The following ABCG1 variants were observed in gnomAD, a reference collection of about 807,000 sequenced individuals.
The protein encoded by ABCG1 is ATP-binding cassette sub-family G member 1.
ABCG1 carries 29 observed loss-of-function variants against 69.2 expected under a neutral mutation model. The ratio of observed to expected loss-of-function variants is 0.42; its 90% CI spans 0.31 to 0.57. ABCG1 has a LOEUF of 0.57. Among genes scored for constraint, ABCG1 ranks in the 20% least tolerant of loss-of-function variants. The pLI is 0.15. For synonymous variants in ABCG1, 370 were observed against 374.8 expected, an observed-to-expected ratio of 0.99 and a Z score of 0.15; for missense variants, 718 against 898.1, an observed-to-expected ratio of 0.80 and a Z score of 2.56.
chr21:42,287,378 G>T lies in ABCG1; in HGVS notation c.974-511G>T, dbSNP rs1274947375. Among the ~76,000 whole-genome samples, 2 of 152,174 alleles carry T rather than the reference G, an allele frequency of 1.3e-5. No homozygotes were observed. The highest frequency in any genetic ancestry group is 4.8e-5 in the African/African-American group (2 of 41,446). ...AGACGCTCACTGGGATCTGAGAGGT[G>T]CAGGTTGAGGGTCCCAGGACCTCCA... On this transcript the variant is annotated intron_variant, in intron 8 of 14. Transcript: ENST00000398449. This position sits in a 1 kb window ranked among gnomAD's most constrained non-coding sequence, Gnocchi z 6.2.
At chr21:42,278,851 C>G (rs6586300) in intron 5 of ABCG1, among the ~76,000 whole-genome samples, 1 of 151,838 alleles carries the variant, frequency 6.6e-6, no homozygotes, top group African/African-American at 2.4e-5. Flanking sequence ...TGAGCCAGGG[C>G]GACCTTCACT....
At chr21:42,290,644 T>TG (rs148411482) in intron 11 of ABCG1, among the ~76,000 whole-genome samples, 3,765 of 152,322 alleles carry the variant, frequency 0.025, 157 homozygotes, top group African/African-American at 0.085. Context: ...TTGGTCACTT[T>TG]GGCTGACAGT....
chr21:42,274,932 G>A (rs1271022994), intron 4 of ABCG1, among the ~76,000 whole-genome samples: 1 of 152,166 alleles, frequency 6.6e-6, no homozygotes, highest in Non-Finnish European at 1.5e-5. Flanking sequence ...GTGGGGGACT[G>A]TTTATATTTC....
intron 1 of ABCG1, among the ~76,000 whole-genome samples, chr21:42,200,365 C>A (rs1210222951): frequency 6.6e-6 from 1 of 152,184 alleles, no homozygotes; most frequent in Non-Finnish European, 1.5e-5. Context: ...CCAGCCTCCC[C>A]CTCTCAGCCT....
upstream of ABCG1, among the ~76,000 whole-genome samples, chr21:42,212,343 T>C (rs1601333662): frequency 6.6e-6 from 1 of 150,960 alleles, no homozygotes; most frequent in East Asian, 1.9e-4. Context: ...CTGCCAAGAG[T>C]GGACATAAAG....
At chr21:42,270,571 T>C (rs1484064824) in intron 2 of ABCG1, among the ~76,000 whole-genome samples, 1 of 152,146 alleles carries the variant, frequency 6.6e-6, no homozygotes, top group Non-Finnish European at 1.5e-5. Context: ...ACATAATTTA[T>C]ACTTATGTAA....
At chr21:42,283,757 GCCTGGACAGTTGTGAAGTACCCCCCAA>G (rs2068867847) in intron 6 of ABCG1, among the ~76,000 whole-genome samples, 4 of 19,986 alleles carry the variant, frequency 2.0e-4, no homozygotes, top group African/African-American at 1.0e-3. Flanking sequence ...CCTCTGTCCT[GCCTGGACAGTTGTGAAGTACCCCCCAA>G]CCCAGATGAG....
chr21:42,220,160 C>G, intron 1 of ABCG1: 1 of 919,644 alleles, frequency 1.1e-6, no homozygotes, highest in Non-Finnish European at 1.7e-6. Flanking sequence ...CTTATCCTAG[C>G]GCCCTTCATG....
chr21:42,270,940 G>A (rs2068605250), intron 2 of ABCG1, 130 bp from the exon 3 acceptor site: 1 of 550,204 alleles, frequency 1.8e-6, no homozygotes, highest in African/African-American at 2.0e-5. Context: ...TTCTTCCCTG[G>A]AATGCAGCCT....
chr21:42,210,057 G>A (rs930705394), intron 2 of ABCG1, among the ~76,000 whole-genome samples: 1 of 151,756 alleles, frequency 6.6e-6, no homozygotes, highest in South Asian at 2.1e-4. Context: ...CACTTCCTTC[G>A]TCTCCGGCTC....
chr21:42,238,760 T>C (rs567807365), intron 2 of ABCG1, among the ~76,000 whole-genome samples: 8 of 152,334 alleles, frequency 5.3e-5, no homozygotes, highest in Middle Eastern at 3.4e-3. Flanking sequence ...TGTTTTAGTC[T>C]TGTGGCTAGA....
rs748782852 is a variant in ABCG1, at chr21:42,288,218, C to T, written c.1130C>T (p.Ser377Leu). 4.6e-5 allele frequency: 74 copies of T among 1,614,042 alleles called. No individual in the cohort carries two copies. Among genetic ancestry groups the T allele is most frequent in the South Asian group, 3.7e-4 (34 of 91,094 alleles). The stretch of plus-strand genomic sequence containing the variant: ...TCTTGCGTGTGTCCTCAGGACTCCT[C>T]GTCCATGGAAGGCTGCCACAGCTTC... Reference protein sequence around the residue: ...LWHRPSEEDSSSMEGCHSFSA... With the variant: ...LWHRPSEEDSLSMEGCHSFSA... Residue 377 changes from serine (S) to leucine (L), a missense_variant, in exon 10 of 15, where the codon TCG (serine) becomes TTG (leucine). By Grantham distance (145) the Ser-to-Leu change is moderately radical. This residue lies in a region of ABCG1 where 514 missense variants were observed against 574.3 expected (regional missense o/e 0.90). Transcript: ENST00000398449. This position sits in a 1 kb window ranked among gnomAD's most constrained non-coding sequence, Gnocchi z 4.8.
chr21:42,251,320 C>T (rs895367082), intron 2 of ABCG1, among the ~76,000 whole-genome samples: 4 of 152,162 alleles, frequency 2.6e-5, no homozygotes, highest in African/African-American at 9.7e-5. Context: ...GTCCTGATCT[C>T]ATTTTGTCTC....
intron 2 of ABCG1, chr21:42,201,853 C>T (rs1034260384): frequency 1.2e-5 from 18 of 1,551,474 alleles, no homozygotes; most frequent in Middle Eastern, 1.7e-4. Context: ...GGAGCTCCTG[C>T]GGTGTAGTTT....
chr21:42,256,469 T>G, intron 2 of ABCG1: 4 of 1,549,922 alleles, frequency 2.6e-6, no homozygotes, highest in Non-Finnish European at 3.5e-6. Flanking sequence ...ACACCCTGGC[T>G]GGGTGTACTG....
intron 13 of ABCG1, among the ~76,000 whole-genome samples, chr21:42,294,192 G>A (rs2069157652): frequency 6.6e-6 from 1 of 152,208 alleles, no homozygotes; most frequent in South Asian, 2.1e-4. Flanking sequence ...ACCTGCCACA[G>A]GCCAGGCACT....
At chr21:42,210,861 A>C (rs2067581766) in intron 2 of ABCG1, among the ~76,000 whole-genome samples, 1 of 152,078 alleles carries the variant, frequency 6.6e-6, no homozygotes, top group South Asian at 2.1e-4. Context: ...GAAGCGAAGG[A>C]GCGTATCTGG....
At position 42,282,423 on chromosome 21, in the gene ABCG1, A is replaced by G. The variant is rs1247221068; in HGVS notation, c.734+4A>G. The G allele has an allele frequency of 1.2e-6, 2 of 1,609,072 alleles. No homozygotes were observed. Among genetic ancestry groups the G allele is most frequent in the African/African-American group, 2.7e-5 (2 of 74,832 alleles). ...TGTTCTTCGATGAGCCCACCAGGTA[A>G]GTCAGGAGCATCTGAGCTGGTGTCC... On this transcript the variant is annotated splice_donor_region_variant and intron_variant, in intron 6 of 14. Transcript: ENST00000398449.
At position 42,279,506 on chromosome 21, in the gene ABCG1, C is replaced by T. The variant is rs144038443; in HGVS notation, c.588+2561C>T. Among the ~76,000 whole-genome samples the T allele has an allele frequency of 8.0e-3, 1,224 of 152,296 alleles. 11 individuals carry two copies. The highest frequency in any genetic ancestry group is 0.017 in the Middle Eastern group (5 of 294). On this transcript the variant is annotated intron_variant, in intron 5 of 14. Coordinates refer to ENST00000398449, the MANE Select transcript of ABCG1 (RefSeq NM_016818.3). ...CCTTGGGCCACTGCCTGCTGTGCCCCGAGCCGAGCTTCACCTGTAACGTGG... is the reference window on the plus strand; with the variant it reads ...CCTTGGGCCACTGCCTGCTGTGCCCTGAGCCGAGCTTCACCTGTAACGTGG...
Sources: gnomAD v4.1 joint callset for allele counts (sites outside exome capture counted in the v4.1 genomes callset) on GRCh38, gnomAD v4.1.1 for gene constraint, gnomAD v4.1.1 regional missense constraint, Gnocchi (gnomAD v3.1) non-coding constraint, MANE v1.5 for transcripts, NCBI Gene and HGNC (gene_info 2026-07-23, HGNC 2026-07-21) for gene names.